Variants in MALRD1 observed in about 807,000 individuals in gnomAD.
MALRD1 encodes MAM and LDL-receptor class A domain-containing protein 1.
Under a neutral mutation model 242.1 loss-of-function variants are expected in MALRD1, and 247 were observed. The ratio of observed to expected loss-of-function variants is 1.02; its 90% CI spans 0.92 to 1.13. MALRD1 has a LOEUF of 1.13. Among genes scored for constraint, MALRD1 ranks in the 50% most tolerant of loss-of-function variants. The probability of loss-of-function intolerance (pLI) is 0.00; values close to 1 mark genes in which losing one functional copy is unlikely to be tolerated. For synonymous variants in MALRD1, 995 were observed against 866.6 expected, an observed-to-expected ratio of 1.15 and a Z score of -2.60; for missense variants, 2,989 against 2,533.1, an observed-to-expected ratio of 1.18 and a Z score of -3.86.
At chr10:19,698,356 A>T (rs1182195794) in intron 38 of MALRD1, among the ~76,000 whole-genome samples, 1 of 152,202 alleles carries the variant, frequency 6.6e-6, no homozygotes, top group South Asian at 2.1e-4. Flanking sequence ...AAGAGGTCCA[A>T]GTAACACATG....
At chr10:19,218,251 A>T (rs1837409152) in intron 18 of MALRD1, among the ~76,000 whole-genome samples, 2 of 152,102 alleles carry the variant, frequency 1.3e-5, no homozygotes, top group Admixed American at 1.3e-4. Flanking sequence ...GTTTTACTTA[A>T]AGTTATTCAC....
intron 33 of MALRD1, among the ~76,000 whole-genome samples, chr10:19,580,925 A>C (rs906007669): frequency 6.6e-6 from 1 of 152,110 alleles, no homozygotes; most frequent in Non-Finnish European, 1.5e-5. Context: ...CTGAGTCTTT[A>C]GTCAAATAGA....
At chr10:19,203,455 G>A (rs1242387395) in intron 14 of MALRD1, among the ~76,000 whole-genome samples, 1 of 152,116 alleles carries the variant, frequency 6.6e-6, no homozygotes, top group South Asian at 2.1e-4. Context: ...AATTCTATAA[G>A]CAATCAGGCT....
chr10:19,446,277 G>A (rs538000357), intron 28 of MALRD1, among the ~76,000 whole-genome samples: 8 of 152,182 alleles, frequency 5.3e-5, no homozygotes, highest in African/African-American at 1.9e-4. Context: ...TACACTCTGT[G>A]GGCTGCACCC....
At chr10:19,056,594 T>C (rs1042782314) in intron 1 of MALRD1, among the ~76,000 whole-genome samples, 4 of 152,130 alleles carry the variant, frequency 2.6e-5, no homozygotes, top group Non-Finnish European at 5.9e-5. Flanking sequence ...GTTAAGTCTT[T>C]TGGGTTTCTA....
intron 36 of MALRD1, among the ~76,000 whole-genome samples, chr10:19,634,774 A>G (rs905711769): frequency 2.0e-5 from 3 of 152,172 alleles, no homozygotes; most frequent in African/African-American, 7.2e-5. Context: ...AGAACGCTAT[A>G]AAAACTTAGC....
At position 19,128,310 on chromosome 10, in the gene MALRD1, C is replaced by T; in HGVS notation, c.1033C>T (p.Leu345=). The T allele has an allele frequency of 8.1e-7, 1 of 1,233,448 alleles. No homozygotes were observed. The highest frequency in any genetic ancestry group is 1.0e-6 in the Non-Finnish European group (1 of 987,826). The allele number at this position is 1,233,448 out of a possible 1,614,324, so 76.4% of individuals were successfully genotyped here. Residue 345 remains leucine, a synonymous_variant, in exon 8 of 40, where the codon CTG becomes TTG. Coordinates refer to ENST00000454679, the MANE Select transcript of MALRD1 (RefSeq NM_001142308.3). ...AYLNSSVCHC[L]GKSCHLQFYY... ...CCTAAATAGCTCTGTGTGTCATTGC[C>T]TGGGCAAGAGCTGTCATCTTCAATT... is the stretch of plus-strand genomic sequence containing the variant.
intron 18 of MALRD1, among the ~76,000 whole-genome samples, chr10:19,243,212 C>CA (rs1039748594): frequency 1.7e-4 from 25 of 146,844 alleles, no homozygotes; most frequent in African/African-American, 5.1e-4. Context: ...TTCTCCCCCG[C>CA]CACACACACA....
At chr10:19,471,446 AC>A (rs1836491016) in intron 29 of MALRD1, among the ~76,000 whole-genome samples, 1 of 151,354 alleles carries the variant, frequency 6.6e-6, no homozygotes, top group African/African-American at 2.4e-5. Context: ...GAATTTTAGG[AC>A]TTTTTTTTCT....
chr10:19,329,762 G>T (rs1186072070), intron 23 of MALRD1, among the ~76,000 whole-genome samples: 1 of 152,130 alleles, frequency 6.6e-6, no homozygotes, highest in Non-Finnish European at 1.5e-5. Context: ...TCTGTCTGAA[G>T]AAAGATACAT....
intron 31 of MALRD1, among the ~76,000 whole-genome samples, chr10:19,524,599 T>G (rs1298697547): frequency 6.6e-6 from 1 of 152,144 alleles, no homozygotes; most frequent in Non-Finnish European, 1.5e-5. Flanking sequence ...GCAGAAATTA[T>G]GGAGGATGCA....
intron 21 of MALRD1, among the ~76,000 whole-genome samples, chr10:19,294,304 G>A (rs572119114): frequency 6.6e-6 from 1 of 152,268 alleles, no homozygotes; most frequent in South Asian, 2.1e-4. Context: ...CCCAAACTAA[G>A]TGAAGGTAAA....
At chr10:19,622,281 G>A (rs16919201) in intron 36 of MALRD1, among the ~76,000 whole-genome samples, 1 of 151,586 alleles carries the variant, frequency 6.6e-6, no homozygotes, top group East Asian at 1.9e-4. Flanking sequence ...TACTAAGTAG[G>A]TTTGGAGGAT....
intron 4 of MALRD1, among the ~76,000 whole-genome samples, chr10:19,103,490 G>A (rs1459017108): frequency 2.7e-5 from 4 of 147,488 alleles, no homozygotes; most frequent in Admixed American, 1.4e-4. Flanking sequence ...GAATGTGGGA[G>A]GCGGAGCTTG....
intron 32 of MALRD1, among the ~76,000 whole-genome samples, chr10:19,538,138 T>C (rs557356419): frequency 1.3e-5 from 2 of 152,330 alleles, no homozygotes; most frequent in East Asian, 3.9e-4. Context: ...TGAAATTCAA[T>C]TATGATTTTC....
chr10:19,630,891 AC>A (rs1368420347), intron 36 of MALRD1, among the ~76,000 whole-genome samples: 1 of 152,194 alleles, frequency 6.6e-6, no homozygotes, highest in Non-Finnish European at 1.5e-5. Flanking sequence ...AATATATAAA[AC>A]TAAATTAGTC....
At chr10:19,695,525 T>C (rs866899781) in intron 38 of MALRD1, among the ~76,000 whole-genome samples, 5 of 148,178 alleles carry the variant, frequency 3.4e-5, no homozygotes, top group East Asian at 2.0e-4. Flanking sequence ...CTTTCTTTTT[T>C]TTTTTTTTTT....
intron 29 of MALRD1, among the ~76,000 whole-genome samples, chr10:19,462,786 C>T (rs1197575617): frequency 1.3e-5 from 2 of 152,090 alleles, no homozygotes; most frequent in Admixed American, 1.3e-4. Context: ...TAGAGCAGTA[C>T]AGTGAGAGTG....
intron 13 of MALRD1, among the ~76,000 whole-genome samples, chr10:19,174,760 A>G (rs1835155968): frequency 1.3e-5 from 2 of 152,070 alleles, no homozygotes. Context: ...GTGTATGTAT[A>G]TAATATATAT....
Sources: gnomAD v4.1 joint callset for allele counts (sites outside exome capture counted in the v4.1 genomes callset) on GRCh38, gnomAD v4.1.1 for gene constraint, MANE v1.5 for transcripts, NCBI Gene and HGNC (gene_info 2026-07-23, HGNC 2026-07-21) for gene names.